The following NDST4 variants were observed in gnomAD, a reference collection of about 807,000 sequenced individuals.
The protein encoded by NDST4 is N-deacetylase and N-sulfotransferase 4.
A neutral mutation model predicts 100.8 loss-of-function variants in NDST4; 63 were observed. The ratio of observed to expected loss-of-function variants is 0.62; its 90% CI spans 0.51 to 0.77. The LOEUF (loss-of-function observed/expected upper bound fraction) is 0.77, where lower values mean the gene tolerates loss of function less well. Ranked by LOEUF, NDST4 falls within the 30% of genes least tolerant of loss-of-function variation. NDST4 has a pLI of 0.00. For synonymous variants in NDST4, 377 were observed against 361.8 expected (o/e 1.04, Z -0.48); for missense variants, 943 against 1,018.4 (o/e 0.93, Z 1.01).
At chr4:115,096,186 GGA>G in intron 1 of NDST4, among the ~76,000 whole-genome samples, 5 of 51,470 alleles carry the variant, frequency 9.7e-5, no homozygotes, top group Admixed American at 5.2e-4. Context: ...TTCTGATAAT[GGA>G]TAGAACATTA....
At chr4:115,047,041 C>T (rs1210297560) in intron 2 of NDST4, among the ~76,000 whole-genome samples, 1 of 151,852 alleles carries the variant, frequency 6.6e-6, no homozygotes, top group Admixed American at 6.6e-5. Flanking sequence ...TGAATATTTC[C>T]CAAGACTTCT....
At chr4:115,040,740 T>C (rs1362627762) in intron 2 of NDST4, among the ~76,000 whole-genome samples, 1 of 151,908 alleles carries the variant, frequency 6.6e-6, no homozygotes. Flanking sequence ...CAAGACAAAA[T>C]TGAAACATTT....
At position 114,839,547 on chromosome 4, in the gene NDST4, T is replaced by C. The variant is rs750004876; in HGVS notation, c.2117A>G (p.His706Arg). ...AGCTGGATCTTCATGTGATCGTTGG[T>C]GCTTTAACAAGAAAGTCAATTGTAA... ...PSDRAYSWYQHQRSHEDPAAL... is the reference protein window; with the variant it reads ...PSDRAYSWYQRQRSHEDPAAL... The change falls in exon 11 of 14, where the codon CAC (histidine) becomes CGC (arginine). Residue 706 changes from histidine (H) to arginine (R), a missense_variant and splice_region_variant. This residue lies in a region of NDST4 where 526 missense variants were observed against 634.1 expected (regional missense o/e 0.83). Coordinates refer to ENST00000264363, the MANE Select transcript of NDST4 (RefSeq NM_022569.3). 1 of 1,613,146 alleles carries C rather than the reference T, an allele frequency of 6.2e-7. No homozygotes were observed.
At chr4:115,037,735 A>G (rs1474215782) in intron 2 of NDST4, among the ~76,000 whole-genome samples, 2 of 152,148 alleles carry the variant, frequency 1.3e-5, no homozygotes, top group Non-Finnish European at 2.9e-5. Flanking sequence ...GAAGGCCAAA[A>G]TTAGGATCCT....
chr4:115,015,290 G>T (rs1410024137), intron 2 of NDST4, among the ~76,000 whole-genome samples: 1 of 152,084 alleles, frequency 6.6e-6, no homozygotes, highest in African/African-American at 2.4e-5. Flanking sequence ...GTTTACAGAT[G>T]GTTCTGTGTG....
chr4:115,057,154 A>C (rs1578487860), intron 2 of NDST4, among the ~76,000 whole-genome samples: 1 of 152,132 alleles, frequency 6.6e-6, no homozygotes, highest in African/African-American at 2.4e-5. Flanking sequence ...CTCTGGAGTA[A>C]ATGGTCCGTG....
At chr4:115,049,108 A>G (rs1039800522) in intron 2 of NDST4, among the ~76,000 whole-genome samples, 2 of 152,180 alleles carry the variant, frequency 1.3e-5, no homozygotes, top group Non-Finnish European at 2.9e-5. Flanking sequence ...AATTAGAACC[A>G]CTTGACTTGT....
intron 7 of NDST4, among the ~76,000 whole-genome samples, chr4:114,865,565 G>C (rs1427757152): frequency 6.6e-6 from 1 of 152,092 alleles, no homozygotes; most frequent in Non-Finnish European, 1.5e-5. Flanking sequence ...TTTCTGTAAG[G>C]CACAAACAAA....
rs1487787236 is a variant in NDST4, at chr4:115,069,180, T to C, written c.978+6879A>G. Among the ~76,000 whole-genome samples the C allele has an allele frequency of 3.9e-5, 6 of 152,106 alleles. No individual in the cohort carries two copies. In the East Asian group the frequency reaches 7.7e-4, roughly 20 times the overall value. On this transcript the variant is annotated intron_variant, in intron 2 of 13. Transcript: ENST00000264363. ...CAGGAAAAGTATTTTAGTAAAGGCA[T>C]AGAAGCTAAGAAAAATAGGTCATGG...
intron 6 of NDST4, among the ~76,000 whole-genome samples, chr4:114,906,133 T>C (rs1724943978): frequency 6.6e-6 from 1 of 152,008 alleles, no homozygotes; most frequent in Non-Finnish European, 1.5e-5. Flanking sequence ...AATACGAAGC[T>C]GAAAAGTATT....
At chr4:115,055,482 A>G (rs536834170) in intron 2 of NDST4, among the ~76,000 whole-genome samples, 4 of 152,148 alleles carry the variant, frequency 2.6e-5, no homozygotes, top group African/African-American at 7.2e-5. Context: ...AGGAAGTTGT[A>G]TCTTTACACT....
intron 2 of NDST4, among the ~76,000 whole-genome samples, chr4:115,017,451 A>G (rs1051334414): frequency 1.3e-5 from 2 of 152,192 alleles, no homozygotes; most frequent in African/African-American, 4.8e-5. Context: ...ATTGTTACAT[A>G]GAATACTATT....
intron 6 of NDST4, among the ~76,000 whole-genome samples, chr4:114,897,330 T>C (rs1316435872): frequency 6.6e-6 from 1 of 152,208 alleles, no homozygotes; most frequent in Non-Finnish European, 1.5e-5. Flanking sequence ...TTGAAAATCA[T>C]ACAGCCATTT....
chr4:115,088,747 C>A (rs1471837413), intron 1 of NDST4, among the ~76,000 whole-genome samples: 1 of 151,936 alleles, frequency 6.6e-6, no homozygotes, highest in Non-Finnish European at 1.5e-5. Context: ...GTTATTCCTG[C>A]ACTTTATGTG....
rs537371808 is a variant in NDST4 at position 115,008,931 on chromosome 4, A to G, written c.979-31657T>C. Among the ~76,000 whole-genome samples the G allele has an allele frequency of 3.1e-4, 40 of 128,740 alleles. 9 individuals are homozygous for G. Among genetic ancestry groups the G allele is most frequent in the African/African-American group, 1.2e-3 (39 of 33,844 alleles). The allele number at this position is 128,740 out of a possible 152,430, so 84.5% of individuals were successfully genotyped here. A position where few individuals can be genotyped will look rare whatever the true frequency, so the allele number is the denominator to read the frequency against. Reference sequence around the variant, plus strand: ...CCAAATCACGAGTGAACTCCTATTCACAATTGCTTCAAAGAGAATAAAATA... The same window carrying G: ...CCAAATCACGAGTGAACTCCTATTCGCAATTGCTTCAAAGAGAATAAAATA... On this transcript the variant is annotated intron_variant, in intron 2 of 13. Coordinates refer to ENST00000264363, the MANE Select transcript of NDST4 (RefSeq NM_022569.3).
intron 6 of NDST4, among the ~76,000 whole-genome samples, chr4:114,924,763 T>C (rs1459831257): frequency 6.6e-6 from 1 of 152,146 alleles, no homozygotes; most frequent in Admixed American, 6.5e-5. Flanking sequence ...AAATAAGACC[T>C]AGTGCTTGAA....
intron 2 of NDST4, among the ~76,000 whole-genome samples, chr4:115,045,726 T>C (rs967361702): frequency 5.3e-5 from 8 of 152,100 alleles, no homozygotes; most frequent in African/African-American, 1.9e-4. Context: ...CTACAGTACT[T>C]TTGTTTTATT....
chr4:114,909,930 C>T (rs1725030549), intron 6 of NDST4, among the ~76,000 whole-genome samples: 1 of 152,062 alleles, frequency 6.6e-6, no homozygotes, highest in South Asian at 2.1e-4. Context: ...CAGAGCTCTT[C>T]TGGGTTGGCA....
chr4:114,878,571 T>C (rs187173692), intron 6 of NDST4, among the ~76,000 whole-genome samples: 5 of 152,282 alleles, frequency 3.3e-5, no homozygotes. Context: ...AATACAAACA[T>C]GAAATTTGAA....
Sources: gnomAD v4.1 joint callset for allele counts (sites outside exome capture counted in the v4.1 genomes callset) on GRCh38, gnomAD v4.1.1 for gene constraint, gnomAD v4.1.1 regional missense constraint, MANE v1.5 for transcripts, NCBI Gene and HGNC (gene_info 2026-07-23, HGNC 2026-07-21) for gene names.